The following TMEM117 variants were observed in gnomAD, a reference collection of about 807,000 sequenced individuals.
The protein encoded by TMEM117 is transmembrane protein 117.
Under a neutral mutation model 52.4 loss-of-function variants are expected in TMEM117, and 27 were observed. The observed-to-expected ratio is 0.51, with a 90% CI of 0.38 to 0.71. TMEM117 has a LOEUF of 0.71. TMEM117 is among the 30% of genes least tolerant of loss of function. TMEM117 has a pLI of 0.00. For synonymous variants in TMEM117, 215 were observed against 206.3 expected (o/e 1.04, Z -0.36); for missense variants, 556 against 630.5 (o/e 0.88, Z 1.26).
At chr12:44,362,507 A>C (rs1951734174) in intron 6 of TMEM117, among the ~76,000 whole-genome samples, 1 of 152,136 alleles carries the variant, frequency 6.6e-6, no homozygotes, top group Admixed American at 6.6e-5. Flanking sequence ...AGGGGGACTG[A>C]CACAAACAGT....
At chr12:44,377,576 G>A (rs754332766) in intron 7 of TMEM117, among the ~76,000 whole-genome samples, 12 of 152,046 alleles carry the variant, frequency 7.9e-5, no homozygotes, top group Admixed American at 1.3e-4. Flanking sequence ...AGGGCTTCCC[G>A]GAGCTACGTT....
chr12:44,359,342 C>A (rs543427915), intron 6 of TMEM117, among the ~76,000 whole-genome samples: 2 of 151,916 alleles, frequency 1.3e-5, no homozygotes, highest in South Asian at 4.2e-4. Context: ...TATTTTAAAA[C>A]CATCTATAAT....
chr12:44,170,684 G>A (rs1949032975), intron 4 of TMEM117, among the ~76,000 whole-genome samples: 1 of 152,132 alleles, frequency 6.6e-6, no homozygotes. Context: ...CAGAACCAGT[G>A]AATTTTACAT....
intron 5 of TMEM117, among the ~76,000 whole-genome samples, chr12:44,229,107 T>C (rs1195459382): frequency 6.6e-6 from 1 of 152,026 alleles, no homozygotes; most frequent in Admixed American, 6.6e-5. Context: ...TCTCCAAAGA[T>C]GACTTAACTT....
At chr12:43,952,505 C>A (rs1188880571) in intron 3 of TMEM117, among the ~76,000 whole-genome samples, 1 of 151,782 alleles carries the variant, frequency 6.6e-6, no homozygotes, top group Non-Finnish European at 1.5e-5. Flanking sequence ...ACACAAGTAT[C>A]AATAGCTGAA....
chr12:44,050,946 G>T (rs1946961746), intron 3 of TMEM117, among the ~76,000 whole-genome samples: 1 of 152,218 alleles, frequency 6.6e-6, no homozygotes, highest in Non-Finnish European at 1.5e-5. Context: ...AGGATATTCA[G>T]ATTGCAGCTC....
At chr12:44,303,517 G>A (rs541418381) in intron 6 of TMEM117, among the ~76,000 whole-genome samples, 1 of 152,056 alleles carries the variant, frequency 6.6e-6, no homozygotes, top group East Asian at 1.9e-4. Context: ...TACCTTTATT[G>A]TTGTATCACA....
chr12:44,147,151 A>G (rs143356988), intron 4 of TMEM117, among the ~76,000 whole-genome samples: 9 of 152,314 alleles, frequency 5.9e-5, no homozygotes, highest in African/African-American at 2.2e-4. Flanking sequence ...AGAAATACGT[A>G]AAGTGCTGAG....
chr12:43,849,490 A>G (rs1380509855), intron 2 of TMEM117, among the ~76,000 whole-genome samples: 2 of 152,218 alleles, frequency 1.3e-5, no homozygotes, highest in Non-Finnish European at 2.9e-5. Flanking sequence ...TATCTCTTAT[A>G]CTAAAATCAC....
intron 4 of TMEM117, among the ~76,000 whole-genome samples, chr12:44,194,986 C>T (rs1300198198): frequency 1.3e-5 from 2 of 152,162 alleles, no homozygotes; most frequent in African/African-American, 4.8e-5. Context: ...AAAACATTTC[C>T]ATCTATATGC....
At chr12:44,119,337 C>A (rs1202884514) in intron 3 of TMEM117, among the ~76,000 whole-genome samples, 1 of 152,164 alleles carries the variant, frequency 6.6e-6, no homozygotes, top group East Asian at 1.9e-4. Flanking sequence ...ACCACCTCAG[C>A]ACAATCTAGA....
intron 4 of TMEM117, among the ~76,000 whole-genome samples, chr12:44,210,979 A>G (rs990187602): frequency 1.3e-5 from 2 of 152,138 alleles, no homozygotes; most frequent in African/African-American, 4.8e-5. Flanking sequence ...TTAAAAGAAT[A>G]TAGTATTTTA....
chr12:44,387,971 C>A (rs1209304430), intron 7 of TMEM117, 55 bp from the exon 8 acceptor site: 1 of 1,471,762 alleles, frequency 6.8e-7, no homozygotes, highest in Non-Finnish European at 9.2e-7. Flanking sequence ...TTGTAGAAAA[C>A]CTTATTGCAA....
At chr12:43,945,968 A>T (rs538516334) in intron 3 of TMEM117, among the ~76,000 whole-genome samples, 9 of 152,204 alleles carry the variant, frequency 5.9e-5, no homozygotes, top group Non-Finnish European at 1.2e-4. Flanking sequence ...GGAAAAATAC[A>T]TTTCACATGT....
At chr12:44,199,807 C>T (rs1188779654) in intron 4 of TMEM117, among the ~76,000 whole-genome samples, 1 of 152,068 alleles carries the variant, frequency 6.6e-6, no homozygotes, top group Non-Finnish European at 1.5e-5. Context: ...AAAAATCTAC[C>T]TACTAAATGC....
At chr12:44,127,088 A>C (rs1948337835) in intron 3 of TMEM117, among the ~76,000 whole-genome samples, 1 of 152,182 alleles carries the variant, frequency 6.6e-6, no homozygotes, top group African/African-American at 2.4e-5. Flanking sequence ...GATGAGAAGC[A>C]CCATTTCTAC....
intron 5 of TMEM117, among the ~76,000 whole-genome samples, chr12:44,284,351 A>G (rs558099204): frequency 7.9e-5 from 12 of 152,028 alleles, no homozygotes; most frequent in Admixed American, 2.0e-4. Context: ...ACCTCCCACC[A>G]TGATTCTGAA....
At chr12:44,358,782 G>A (rs562584174) in intron 6 of TMEM117, among the ~76,000 whole-genome samples, 4 of 152,072 alleles carry the variant, frequency 2.6e-5, no homozygotes, top group Non-Finnish European at 5.9e-5. Context: ...GGTACTTCAA[G>A]TGCCAGGAGG....
chr12:44,040,459 A>G (rs1332004566), intron 3 of TMEM117, among the ~76,000 whole-genome samples: 1 of 152,144 alleles, frequency 6.6e-6, no homozygotes. Context: ...CTTGATTTAT[A>G]GGAATGCAGC....
Sources: gnomAD v4.1 joint callset for allele counts (sites outside exome capture counted in the v4.1 genomes callset) on GRCh38, gnomAD v4.1.1 for gene constraint, MANE v1.5 for transcripts, NCBI Gene and HGNC (gene_info 2026-07-23, HGNC 2026-07-21) for gene names.